The following ETV6 variants were observed in gnomAD, a reference collection of about 807,000 sequenced individuals.
The protein encoded by ETV6 is transcription factor ETV6.
ETV6 carries 16 observed loss-of-function variants against 51.1 expected under a neutral mutation model. The ratio of observed to expected loss-of-function variants is 0.31; its 90% CI spans 0.21 to 0.48. ETV6 has a LOEUF of 0.48. Ranked by LOEUF, ETV6 falls within the 20% of genes least tolerant of loss-of-function variation. The pLI, the probability that ETV6 is intolerant of heterozygous loss-of-function variation, is 0.99. For missense variants in ETV6, 458 were observed against 594.8 expected (o/e 0.77, Z 2.39); for synonymous variants, 240 against 224.1 (o/e 1.07, Z -0.64).
rs915694518 is a variant in ETV6 at position 11,869,052 on chromosome 12, C to G, written c.464-372C>G. ...GAGACCCAGACCATCCTGGCTAACA[C>G]GGTGAAACCCCATCTCTACTAAAAA... is the stretch of plus-strand genomic sequence containing the variant. On this transcript the variant is annotated intron_variant, in intron 4 of 7. Coordinates refer to ENST00000396373, the MANE Select transcript of ETV6 (RefSeq NM_001987.5). The surrounding 1 kb of genome is among the most constrained non-coding windows in gnomAD (Gnocchi z 5.0). 3.3e-5 allele frequency among the ~76,000 whole-genome samples: 5 copies of G among 152,022 alleles called. No homozygotes were observed. The highest frequency in any genetic ancestry group is 2.0e-4 in the Admixed American group (3 of 15,264).
chr12:11,886,819 G>A (rs2723808), intron 7 of ETV6, among the ~76,000 whole-genome samples: 32,530 of 152,144 alleles, frequency 0.21, 4,016 homozygotes, highest in East Asian at 0.32. Flanking sequence ...TAGACCTCTG[G>A]TGCTGGTGGT....
intron 5 of ETV6, among the ~76,000 whole-genome samples, chr12:11,882,438 G>C: frequency 6.6e-6 from 1 of 152,168 alleles, no homozygotes; most frequent in Non-Finnish European, 1.5e-5. Context: ...CAAGAATCCT[G>C]TGTGTCATTC....
At chr12:11,674,574 T>G (rs1864378626) in intron 1 of ETV6, among the ~76,000 whole-genome samples, 1 of 151,762 alleles carries the variant, frequency 6.6e-6, no homozygotes, top group African/African-American at 2.4e-5. Context: ...CTAAAATGTG[T>G]GCTGTAGCTC....
At chr12:11,680,430 C>T (rs1052142898) in intron 1 of ETV6, among the ~76,000 whole-genome samples, 1 of 152,154 alleles carries the variant, frequency 6.6e-6, no homozygotes, top group Non-Finnish European at 1.5e-5. Flanking sequence ...CTCTTCTCCC[C>T]TTAGTGATGG....
At chr12:11,742,230 C>T (rs1052892444) in intron 1 of ETV6, among the ~76,000 whole-genome samples, 1 of 152,212 alleles carries the variant, frequency 6.6e-6, no homozygotes, top group Non-Finnish European at 1.5e-5. Context: ...CATTCTCATT[C>T]ATTTACTTTT....
At chr12:11,856,966 G>A (rs1946641560) in intron 4 of ETV6, among the ~76,000 whole-genome samples, 3 of 152,204 alleles carry the variant, frequency 2.0e-5, no homozygotes, top group African/African-American at 2.4e-5. Context: ...TAAGTAGGTA[G>A]GTGGGTAGGT....
intron 2 of ETV6, among the ~76,000 whole-genome samples, chr12:11,777,024 G>A (rs544609736): frequency 6.6e-6 from 1 of 152,234 alleles, no homozygotes; most frequent in South Asian, 2.1e-4. Context: ...GGATCACAAG[G>A]TCAGGAGACT....
chr12:11,810,822 A>G (rs904624320), intron 2 of ETV6, among the ~76,000 whole-genome samples: 1 of 152,210 alleles, frequency 6.6e-6, no homozygotes, highest in African/African-American at 2.4e-5. Flanking sequence ...TGGATGATCC[A>G]GGTCACCTAT....
chr12:11,787,708 CA>C (rs1245085217), intron 2 of ETV6, among the ~76,000 whole-genome samples: 1 of 152,032 alleles, frequency 6.6e-6, no homozygotes. Flanking sequence ...TTTCCTTTAC[CA>C]AAAATGGCCA....
chr12:11,772,346 C>T (rs1044611988), intron 2 of ETV6, among the ~76,000 whole-genome samples: 3 of 152,202 alleles, frequency 2.0e-5, no homozygotes, highest in African/African-American at 7.2e-5. Context: ...TCGGTAATTT[C>T]ATGAACCTCT....
At chr12:11,873,035 C>T (rs1190577164) in intron 5 of ETV6, among the ~76,000 whole-genome samples, 3 of 152,168 alleles carry the variant, frequency 2.0e-5, no homozygotes, top group Admixed American at 6.5e-5. Flanking sequence ...TGGGGGAATG[C>T]GTTAACTCCT....
intron 1 of ETV6, among the ~76,000 whole-genome samples, chr12:11,706,789 G>T (rs866705890): frequency 1.3e-5 from 2 of 152,324 alleles, no homozygotes; most frequent in South Asian, 4.1e-4. Context: ...TTTCAGATGG[G>T]GCGTACAATT....
intron 2 of ETV6, among the ~76,000 whole-genome samples, chr12:11,776,445 A>G (rs1006866969): frequency 2.7e-5 from 4 of 150,498 alleles, no homozygotes; most frequent in South Asian, 2.1e-4. Context: ...GTATCATGCT[A>G]TGTTTCCCAG....
At chr12:11,670,777 A>G (rs1358061686) in intron 1 of ETV6, among the ~76,000 whole-genome samples, 1 of 152,262 alleles carries the variant, frequency 6.6e-6, no homozygotes, top group Non-Finnish European at 1.5e-5. Flanking sequence ...AATAGCTTTC[A>G]TATGGATAGA....
chr12:11,788,493 T>C (rs150993033), intron 2 of ETV6, among the ~76,000 whole-genome samples: 3 of 152,338 alleles, frequency 2.0e-5, no homozygotes, highest in African/African-American at 7.2e-5. Context: ...CACTCAGTTC[T>C]TAGTCCCTTT....
At chr12:11,855,170 G>T (rs1946613830) in intron 4 of ETV6, among the ~76,000 whole-genome samples, 1 of 151,882 alleles carries the variant, frequency 6.6e-6, no homozygotes, top group Non-Finnish European at 1.5e-5. Context: ...GCCGGGCATG[G>T]TGGCAGGCGC....
chr12:11,840,213 G>A (rs1565546523), intron 3 of ETV6, among the ~76,000 whole-genome samples: 1 of 152,150 alleles, frequency 6.6e-6, no homozygotes, highest in Non-Finnish European at 1.5e-5. Flanking sequence ...TCTAATTAAG[G>A]GCTCCTGATA....
intron 1 of ETV6, among the ~76,000 whole-genome samples, chr12:11,678,275 T>C (rs1864458916): frequency 6.6e-6 from 1 of 152,190 alleles, no homozygotes; most frequent in Non-Finnish European, 1.5e-5. Flanking sequence ...TGTGTGCTGC[T>C]TTTTAGCATG....
At chr12:11,876,195 C>T (rs1322962837) in intron 5 of ETV6, among the ~76,000 whole-genome samples, 3 of 152,080 alleles carry the variant, frequency 2.0e-5, no homozygotes, top group Admixed American at 1.3e-4. Context: ...AGAATAGTTA[C>T]GATAATATCA....
Sources: allele counts gnomAD v4.1 joint callset (sites outside exome capture counted in the v4.1 genomes callset), GRCh38; gene constraint gnomAD v4.1.1; non-coding constraint Gnocchi (gnomAD v3.1); transcripts MANE v1.5; gene names NCBI Gene and HGNC (gene_info 2026-07-23, HGNC 2026-07-21).